SEMA3A: variants seen among roughly 807,000 people sequenced by gnomAD.
The protein encoded by SEMA3A is semaphorin-3A.
A neutral mutation model predicts 97.9 loss-of-function variants in SEMA3A; 29 were observed. The observed-to-expected ratio is 0.30, with a 90% CI of 0.22 to 0.40. The LOEUF is 0.40. Among genes scored for constraint, SEMA3A ranks in the 10% least tolerant of loss-of-function variants. SEMA3A has a pLI of 1.00. For missense variants in SEMA3A, 763 were observed against 951.3 expected, an observed-to-expected ratio of 0.80 and a Z score of 2.60; for synonymous variants, 321 against 323.7, an observed-to-expected ratio of 0.99 and a Z score of 0.09.
intron 14 of SEMA3A, among the ~76,000 whole-genome samples, chr7:83,977,963 C>T (rs536466198): frequency 6.6e-5 from 10 of 151,944 alleles, no homozygotes; most frequent in African/African-American, 2.2e-4. Flanking sequence ...GCCACCATGC[C>T]CAGCTAATTT....
At chr7:84,317,701 C>T (rs1273349359) in intron 2 of SEMA3A, among the ~76,000 whole-genome samples, 5 of 152,080 alleles carry the variant, frequency 3.3e-5, no homozygotes, top group Non-Finnish European at 5.9e-5. Flanking sequence ...CAACATATTT[C>T]ATCAGCTATT....
At chr7:84,246,105 T>A (rs1214797881) in intron 3 of SEMA3A, among the ~76,000 whole-genome samples, 1 of 152,180 alleles carries the variant, frequency 6.6e-6, no homozygotes, top group South Asian at 2.1e-4. Context: ...ATTTGCAGCA[T>A]TGCAGTGGGC....
upstream of SEMA3A, among the ~76,000 whole-genome samples, chr7:84,198,846 T>A (rs546034608): frequency 6.6e-6 from 1 of 152,270 alleles, no homozygotes; most frequent in East Asian, 1.9e-4. Flanking sequence ...CTGGATGGTG[T>A]GCTTGATTTT....
intron 4 of SEMA3A, among the ~76,000 whole-genome samples, chr7:84,090,694 A>T (rs1447053221): frequency 6.6e-6 from 1 of 152,224 alleles, no homozygotes; most frequent in Non-Finnish European, 1.5e-5. Context: ...TGATGTTGAC[A>T]CTGGTATCTA....
At chr7:83,977,602 T>A (rs1027178098) in intron 14 of SEMA3A, among the ~76,000 whole-genome samples, 2 of 151,738 alleles carry the variant, frequency 1.3e-5, no homozygotes, top group South Asian at 4.1e-4. Flanking sequence ...AAATTAAACT[T>A]TTTTTCTGAT....
rs1211794166 is a variant in SEMA3A at position 84,095,358 on chromosome 7, C to CACATATATATATATATATATAT, written c.453+15111_453+15112insATATATATATATATATATATGT. ...ATATATATTTTATATTTTTTATATA[C>CACATATATATATATATATATAT]ATATATATATATATATATATATATA... On this transcript the variant is annotated intron_variant, in intron 4 of 16. Transcript: ENST00000265362. Among the ~76,000 whole-genome samples, 1,185 of 122,686 alleles carry CACATATATATATATATATATAT rather than the reference C, an allele frequency of 9.7e-3. 32 individuals are homozygous for CACATATATATATATATATATAT. The highest frequency in any genetic ancestry group is 0.019 in the South Asian group (75 of 3,864). The allele number at this position is 122,686 out of a possible 152,430, so 80.5% of individuals were successfully genotyped here.
At chr7:84,172,418 T>C (rs1797410652) in intron 1 of SEMA3A, among the ~76,000 whole-genome samples, 1 of 152,072 alleles carries the variant, frequency 6.6e-6, no homozygotes, top group Admixed American at 6.6e-5. Flanking sequence ...TCAGCCACTT[T>C]TTCTTTTCTT....
intron 2 of SEMA3A, among the ~76,000 whole-genome samples, chr7:84,334,142 C>T (rs895932030): frequency 6.6e-6 from 1 of 152,014 alleles, no homozygotes; most frequent in Non-Finnish European, 1.5e-5. Flanking sequence ...TAAGTTCTGT[C>T]TATATAATTC....
intron 1 of SEMA3A, among the ~76,000 whole-genome samples, chr7:84,154,691 C>CAA (rs76502594): frequency 2.8e-5 from 3 of 108,424 alleles, no homozygotes; most frequent in African/African-American, 6.2e-5. Context: ...AAAAAAAAAA[C>CAA]AAAAAAAAAA....
intron 4 of SEMA3A, among the ~76,000 whole-genome samples, chr7:84,095,772 T>C (rs1794755789): frequency 6.6e-6 from 1 of 151,952 alleles, no homozygotes; most frequent in East Asian, 1.9e-4. Flanking sequence ...AATTACTTTA[T>C]TTGATAATAT....
intron 6 of SEMA3A, among the ~76,000 whole-genome samples, chr7:84,031,988 T>G (rs1791775470): frequency 6.6e-6 from 1 of 152,182 alleles, no homozygotes; most frequent in Non-Finnish European, 1.5e-5. Flanking sequence ...TAAAAAAAAT[T>G]GTCAAATAAT....
intron 1 of SEMA3A, among the ~76,000 whole-genome samples, chr7:84,146,054 A>C (rs1796454169): frequency 6.6e-6 from 1 of 152,148 alleles, no homozygotes; most frequent in Non-Finnish European, 1.5e-5. Flanking sequence ...GTTAGAAGCT[A>C]TCTCTCCCAT....
At chr7:84,406,145 C>T (rs984060466) in intron 1 of SEMA3A, among the ~76,000 whole-genome samples, 1 of 152,032 alleles carries the variant, frequency 6.6e-6, no homozygotes, top group South Asian at 2.1e-4. Flanking sequence ...AATTGATAGA[C>T]CACTAGCAAG....
chr7:84,265,512 A>AT (rs1799970246), intron 3 of SEMA3A, among the ~76,000 whole-genome samples: 2 of 147,484 alleles, frequency 1.4e-5, no homozygotes, highest in African/African-American at 4.9e-5. Flanking sequence ...ATATATATAT[A>AT]AAATATATAA....
intron 3 of SEMA3A, among the ~76,000 whole-genome samples, chr7:84,277,176 A>G (rs911076789): frequency 6.6e-6 from 1 of 152,108 alleles, no homozygotes; most frequent in African/African-American, 2.4e-5. Context: ...AATCAGCAAT[A>G]ACAAAGGCCT....
upstream of SEMA3A, among the ~76,000 whole-genome samples, chr7:84,195,880 G>A (rs1798215193): frequency 6.6e-6 from 1 of 152,152 alleles, no homozygotes. Flanking sequence ...AGCTGCTGAA[G>A]GGTTACTAAA....
chr7:84,012,790 A>G, intron 7 of SEMA3A, among the ~76,000 whole-genome samples: 1 of 152,220 alleles, frequency 6.6e-6, no homozygotes, highest in Middle Eastern at 3.2e-3. Context: ...TGTGTTTACT[A>G]GAAACTATAG....
At chr7:84,414,830 A>G (rs1804387652) in intron 1 of SEMA3A, among the ~76,000 whole-genome samples, 1 of 152,142 alleles carries the variant, frequency 6.6e-6, no homozygotes. Flanking sequence ...ATCCTGGATC[A>G]AAATAATCAA....
intron 2 of SEMA3A, among the ~76,000 whole-genome samples, chr7:84,368,936 A>T (rs920859176): frequency 6.6e-6 from 1 of 151,016 alleles, no homozygotes; most frequent in Non-Finnish European, 1.5e-5. Context: ...ATTTTATATC[A>T]ATCATGAATC....
Sources: allele counts gnomAD v4.1 joint callset (sites outside exome capture counted in the v4.1 genomes callset), GRCh38; gene constraint gnomAD v4.1.1; transcripts MANE v1.5; gene names NCBI Gene and HGNC (gene_info 2026-07-23, HGNC 2026-07-21).